RIC3: variants seen among roughly 807,000 people sequenced by gnomAD.
RIC3 encodes protein RIC-3.
In RIC3, 28 loss-of-function variants were observed where a neutral mutation model predicts 27.3. The ratio of observed to expected loss-of-function variants is 1.02; its 90% confidence interval spans 0.76 to 1.41. The LOEUF is 1.41. Among genes scored for constraint, RIC3 ranks in the 40% most tolerant of loss-of-function variants. The pLI is 0.00. For missense variants in RIC3, 501 were observed against 444.7 expected (o/e 1.13, Z -1.14); for synonymous variants, 184 against 160.4 (o/e 1.15, Z -1.11).
intron 4 of RIC3, among the ~76,000 whole-genome samples, chr11:8,133,341 A>G (rs1225499609): frequency 2.6e-5 from 4 of 152,238 alleles, no homozygotes; most frequent in Non-Finnish European, 5.9e-5. Flanking sequence ...CCAACAGAAA[A>G]CATACGAACA....
intron 5 of RIC3, among the ~76,000 whole-genome samples, chr11:8,113,365 G>A (rs1342562462): frequency 6.6e-6 from 1 of 152,094 alleles, no homozygotes; most frequent in African/African-American, 2.4e-5. Context: ...GTCCAGCTCT[G>A]CATCCCTAGT....
intron 5 of RIC3, among the ~76,000 whole-genome samples, chr11:8,119,671 C>T (rs1050539427): frequency 6.6e-6 from 1 of 152,158 alleles, no homozygotes; most frequent in Non-Finnish European, 1.5e-5. Context: ...AAAGCAATGA[C>T]AACAAAAGCC....
chr11:8,162,322 C>G (rs1367842515), intron 1 of RIC3, among the ~76,000 whole-genome samples: 1 of 152,216 alleles, frequency 6.6e-6, no homozygotes, highest in Non-Finnish European at 1.5e-5. Context: ...CACAAGCACC[C>G]TAACTGGTGA....
At position 8,157,972 on chromosome 11, in the gene RIC3, C is replaced by T. The variant is rs929867158; in HGVS notation, c.124+10894G>A. ...GACCCTCTGAAATCAAAATGATTTC[C>T]TAATCTCTGTCCTTCAAACATTCCT... On this transcript the variant is annotated intron_variant, in intron 1 of 5. Coordinates refer to ENST00000309737, the MANE Select transcript of RIC3 (RefSeq NM_001206671.4). Among the ~76,000 whole-genome samples, 5 of 152,062 alleles carry T rather than the reference C, an allele frequency of 3.3e-5. No individual in the cohort carries two copies. The East Asian group carries it at 9.6e-4, about 29-fold the overall frequency.
chr11:8,100,602 G>C, the RIC3 span: 1 of 1,613,454 alleles, frequency 6.2e-7, no homozygotes, highest in Non-Finnish European at 8.5e-7. Context: ...CCCCCGCAAC[G>C]TGAGTGTCTA....
intron 5 of RIC3, among the ~76,000 whole-genome samples, chr11:8,115,174 A>G (rs1425732536): frequency 6.6e-6 from 1 of 152,180 alleles, no homozygotes; most frequent in South Asian, 2.1e-4. Flanking sequence ...TCAAAGACAG[A>G]GAGGATGCTG....
intron 5 of RIC3, among the ~76,000 whole-genome samples, chr11:8,111,628 T>C (rs4343012): frequency 0.26 from 38,923 of 152,074 alleles, 5,071 homozygotes; most frequent in East Asian, 0.44. Context: ...ATCCAAACAA[T>C]TGAAATGGCT....
intron 1 of RIC3, among the ~76,000 whole-genome samples, chr11:8,158,921 C>T (rs998631356): frequency 2.0e-5 from 3 of 148,922 alleles, no homozygotes; most frequent in Non-Finnish European, 4.4e-5. Context: ...TTAGTAGAGA[C>T]GGCGTTTCAC....
At position 8,111,087 on chromosome 11, in the gene RIC3, G is replaced by T; in HGVS notation, c.721C>A (p.Arg241Ser). ...PIYDLSDCIK[R>S]RQETILVDYP... is the part of the protein sequence containing the mutation. ...TCCACCAAGATTGTTTCTTGCCTAC[G>T]CTTGATACAGTCTGAAAGGTCATAA... Residue 241 changes from arginine to serine, a missense_variant, in exon 6 of 6, where the codon CGT (arginine) becomes AGT (serine). Transcript: ENST00000309737. The T allele has an allele frequency of 6.2e-7, 1 of 1,613,522 alleles. No homozygotes were observed. Among genetic ancestry groups the T allele is most frequent in the Non-Finnish European group, 8.5e-7 (1 of 1,179,738 alleles).
chr11:8,151,903 T>A (rs1241239760), intron 1 of RIC3, among the ~76,000 whole-genome samples: 5 of 142,050 alleles, frequency 3.5e-5, no homozygotes, highest in African/African-American at 1.3e-4. Context: ...GGGACAGAAG[T>A]GAGACTCGGT....
chr11:8,153,029 T>C (rs1950373195), intron 1 of RIC3, among the ~76,000 whole-genome samples: 1 of 152,192 alleles, frequency 6.6e-6, no homozygotes, highest in South Asian at 2.1e-4. Flanking sequence ...ATGTTAGAAC[T>C]GATTAAAGAA....
At chr11:8,100,675 C>T in the RIC3 span, 15 of 1,542,212 alleles carry the variant, frequency 9.7e-6, no homozygotes, top group Admixed American at 1.7e-5. Flanking sequence ...GGCAGAACTC[C>T]AGCTGATGTG....
intron 1 of RIC3, among the ~76,000 whole-genome samples, chr11:8,163,538 A>T (rs1357560305): frequency 6.6e-6 from 1 of 152,208 alleles, no homozygotes; most frequent in African/African-American, 2.4e-5. Flanking sequence ...AGGTGACAAG[A>T]TACAGTATCA....
chr11:8,131,967 G>T (rs10769872), intron 4 of RIC3, among the ~76,000 whole-genome samples: 65,956 of 147,064 alleles, frequency 0.45, 16,250 homozygotes, highest in African/African-American at 0.68. Context: ...CCTTAGTACC[G>T]ACTATACAAA....
At chr11:8,154,930 C>A (rs1258669982) in intron 1 of RIC3, among the ~76,000 whole-genome samples, 1 of 152,016 alleles carries the variant, frequency 6.6e-6, no homozygotes, top group East Asian at 1.9e-4. Flanking sequence ...GAAAGCTTTG[C>A]CCATATTCAG....
the RIC3 span, chr11:8,096,878 A>C: frequency 1.9e-6 from 3 of 1,556,112 alleles, no homozygotes; most frequent in Non-Finnish European, 2.7e-6. Flanking sequence ...ACTGCATGTG[A>C]AGAGATGGAC....
chr11:8,149,230 A>T (rs1378741537), intron 1 of RIC3, among the ~76,000 whole-genome samples: 3 of 146,936 alleles, frequency 2.0e-5, no homozygotes, highest in Non-Finnish European at 3.0e-5. Flanking sequence ...AAAAAATAAT[A>T]AAAAAAACAG....
intron 4 of RIC3, chr11:8,128,102 T>C (rs111284041): frequency 3.8e-5 from 16 of 423,486 alleles, no homozygotes; most frequent in Middle Eastern, 3.5e-4. Context: ...ATTCTTCCCA[T>C]CAGTACAGGA....
At chr11:8,100,479 CCA>C in the RIC3 span, 25 of 1,598,998 alleles carry the variant, frequency 1.6e-5, no homozygotes, top group Non-Finnish European at 2.1e-5. Context: ...CCTCAGGTGG[CCA>C]GTGTTGCGTT....
Sources: gnomAD v4.1 joint callset for allele counts (sites outside exome capture counted in the v4.1 genomes callset) on GRCh38, gnomAD v4.1.1 for gene constraint, MANE v1.5 for transcripts, NCBI Gene and HGNC (gene_info 2026-07-23, HGNC 2026-07-21) for gene names.